Variants in CDH13 observed in about 807,000 individuals in gnomAD.
CDH13 encodes the protein cadherin 13.
A neutral mutation model predicts 63.8 loss-of-function variants in CDH13; 24 were observed. That is an observed-to-expected ratio of 0.38 (90% CI 0.27 to 0.53). The LOEUF is 0.53. Among genes scored for constraint, CDH13 ranks in the 20% least tolerant of loss-of-function variants. The pLI is 0.85. For missense variants in CDH13, 1,049 were observed against 903.1 expected (o/e 1.16, Z -2.07); for synonymous variants, 503 against 355.3 (o/e 1.42, Z -4.67).
At chr16:83,616,546 C>A (rs1909298709) in intron 8 of CDH13, among the ~76,000 whole-genome samples, 1 of 151,934 alleles carries the variant, frequency 6.6e-6, no homozygotes, top group African/African-American at 2.4e-5. Flanking sequence ...AGACTTCATC[C>A]ACCTCCTTCT....
At chr16:83,675,526 C>T (rs1346873142) in intron 9 of CDH13, among the ~76,000 whole-genome samples, 2 of 152,152 alleles carry the variant, frequency 1.3e-5, no homozygotes. Flanking sequence ...ACTCTTGCAG[C>T]TCTTGCTTCC....
intron 6 of CDH13, among the ~76,000 whole-genome samples, chr16:83,439,735 T>G (rs2072428976): frequency 1.3e-5 from 2 of 152,224 alleles, no homozygotes; most frequent in Admixed American, 6.5e-5. Context: ...GATGTTGGTA[T>G]TCTCTGAAAT....
intron 7 of CDH13, among the ~76,000 whole-genome samples, chr16:83,550,958 C>T (rs1303112143): frequency 6.6e-6 from 1 of 152,086 alleles, no homozygotes; most frequent in African/African-American, 2.4e-5. Flanking sequence ...ACATTTCTCC[C>T]TTGTCTTCTT....
intron 7 of CDH13, among the ~76,000 whole-genome samples, chr16:83,541,426 C>G (rs745429020): frequency 1.3e-5 from 2 of 152,162 alleles, no homozygotes; most frequent in Non-Finnish European, 2.9e-5. Flanking sequence ...CTTACTCATC[C>G]TTTGAGGCAT....
In CDH13 at chr16:83,371,282, C is replaced by G. The variant is rs187973253; in HGVS notation, c.781+26276C>G. ...CATGGCCTTTCTTTTTAAATCATTA[C>G]CCTCTCCTTCCTGCATCTTCAGTCA... On this transcript the variant is annotated intron_variant, in intron 6 of 13. Transcript: ENST00000567109. Among the ~76,000 whole-genome samples the G allele has an allele frequency of 3.5e-3, 533 of 152,270 alleles. 1 individual carries two copies. The highest frequency in any genetic ancestry group is 6.8e-3 in the Middle Eastern group (2 of 294).
At chr16:83,511,683 G>A (rs184464857) in intron 7 of CDH13, among the ~76,000 whole-genome samples, 1 of 152,144 alleles carries the variant, frequency 6.6e-6, no homozygotes, top group African/African-American at 2.4e-5. Context: ...ATGTAAGATA[G>A]TAAGAAGAAG....
intron 3 of CDH13, among the ~76,000 whole-genome samples, chr16:83,053,587 C>T (rs1301124086): frequency 1.3e-5 from 2 of 151,780 alleles, no homozygotes; most frequent in African/African-American, 2.4e-5. Context: ...TTAGATAGAC[C>T]TTGAATGGAA....
chr16:83,426,082 G>A (rs1455451095), intron 6 of CDH13, among the ~76,000 whole-genome samples: 2 of 152,168 alleles, frequency 1.3e-5, no homozygotes, highest in African/African-American at 4.8e-5. Context: ...AAGCTAGGAG[G>A]AGAAATCAGT....
At chr16:83,655,821 C>G (rs1048641510) in intron 8 of CDH13, among the ~76,000 whole-genome samples, 6 of 152,122 alleles carry the variant, frequency 3.9e-5, no homozygotes, top group African/African-American at 1.2e-4. Flanking sequence ...CAAAATGACT[C>G]TGGCTGCTAC....
intron 3 of CDH13, among the ~76,000 whole-genome samples, chr16:83,098,605 G>A (rs2034320558): frequency 6.6e-6 from 1 of 152,030 alleles, no homozygotes; most frequent in Admixed American, 6.5e-5. Flanking sequence ...TTCAATAATG[G>A]GAGATATCTT....
intron 1 of CDH13, chr16:82,824,264 C>T (rs566037699): frequency 1.1e-4 from 17 of 151,706 alleles, no homozygotes; most frequent in African/African-American, 3.6e-4. Context: ...TATAGGTTAC[C>T]TTACAAAGAT....
intron 8 of CDH13, among the ~76,000 whole-genome samples, chr16:83,662,129 A>G (rs1913494700): frequency 6.6e-6 from 1 of 152,186 alleles, no homozygotes; most frequent in South Asian, 2.1e-4. Context: ...GGTTTTGGAG[A>G]GGACTCTTCA....
chr16:83,508,630 C>T (rs1048458508), intron 7 of CDH13, among the ~76,000 whole-genome samples: 4 of 152,154 alleles, frequency 2.6e-5, no homozygotes, highest in South Asian at 2.1e-4. Context: ...TATGTTCTCC[C>T]GAGTCTCCCA....
intron 1 of CDH13, among the ~76,000 whole-genome samples, chr16:82,843,544 A>G (rs566266197): frequency 4.2e-4 from 64 of 152,324 alleles, no homozygotes; most frequent in African/African-American, 1.5e-3. Flanking sequence ...CTTTTCTTCT[A>G]GAACTTTTCA....
At chr16:83,289,336 C>T (rs893584732) in intron 5 of CDH13, among the ~76,000 whole-genome samples, 4 of 152,182 alleles carry the variant, frequency 2.6e-5, no homozygotes, top group South Asian at 2.1e-4. Context: ...CAGCTTCTTT[C>T]TGAAAGGCTT....
chr16:83,007,614 G>C (rs942826081), intron 2 of CDH13, among the ~76,000 whole-genome samples: 14 of 152,090 alleles, frequency 9.2e-5, no homozygotes, highest in African/African-American at 3.4e-4. Context: ...TGGATTGCTT[G>C]AGTCCAGGAG....
chr16:83,211,643 C>T (rs1414899066), intron 4 of CDH13, among the ~76,000 whole-genome samples: 3 of 152,154 alleles, frequency 2.0e-5, no homozygotes, highest in Admixed American at 1.3e-4. Flanking sequence ...AAAAGGCATA[C>T]CGTGAGAACA....
chr16:83,366,719 G>A (rs2091264565), intron 6 of CDH13, among the ~76,000 whole-genome samples: 1 of 152,126 alleles, frequency 6.6e-6, no homozygotes, highest in Non-Finnish European at 1.5e-5. Flanking sequence ...TAATGTACTT[G>A]TTTTGGAATA....
At chr16:83,670,636 GAGA>G (rs747425451) in intron 8 of CDH13, among the ~76,000 whole-genome samples, 151 bp from the exon 9 acceptor site, 6 of 152,252 alleles carry the variant, frequency 3.9e-5, no homozygotes, top group Non-Finnish European at 8.8e-5. Context: ...AAGGAAAGCT[GAGA>G]AGAAGAGCAT....
Sources: allele counts gnomAD v4.1 joint callset (sites outside exome capture counted in the v4.1 genomes callset), GRCh38; gene constraint gnomAD v4.1.1; transcripts MANE v1.5; gene names NCBI Gene and HGNC (gene_info 2026-07-23, HGNC 2026-07-21).